The following VPS8 variants were observed in gnomAD, a reference collection of about 807,000 sequenced individuals.
VPS8 encodes the protein VPS8 subunit of CORVET complex.
In VPS8, 129 loss-of-function variants were observed where a neutral mutation model predicts 216.4. That is an observed-to-expected ratio of 0.60 (90% confidence interval 0.52 to 0.69). The LOEUF is 0.69. VPS8 is among the 30% of genes least tolerant of loss of function. The probability of loss-of-function intolerance (pLI) is 0.00; values close to 1 mark genes in which losing one functional copy is unlikely to be tolerated. For missense variants in VPS8, 1,531 were observed against 1,683.5 expected (o/e 0.91, Z 1.59); for synonymous variants, 571 against 565.4 (o/e 1.01, Z -0.14).
At chr3:184,909,190 G>A (rs34236250) in intron 25 of VPS8, among the ~76,000 whole-genome samples, 3,749 of 152,336 alleles carry the variant, frequency 0.025, 83 homozygotes, top group South Asian at 0.074. Flanking sequence ...CAAAACTACA[G>A]TAGAGCTGGA....
At position 184,936,293 on chromosome 3, in the gene VPS8, C is replaced by G; in HGVS notation, c.2946C>G (p.Thr982=). The G allele has an allele frequency of 1.2e-6, 2 of 1,611,814 alleles. No homozygotes were observed. Among genetic ancestry groups the G allele is most frequent in the Admixed American group, 1.7e-5 (1 of 59,764 alleles). ...KPCKAAELVA[T]HFSGHIETVI... ...GTAAAGCTGCGGAGCTGGTTGCCAC[C>G]CACTTTTCTGGACATATTGAAACGG... Residue 982 remains threonine (T), a synonymous_variant, in exon 35 of 48, where the codon ACC becomes ACG. Transcript: ENST00000625842.
chr3:184,954,439 C>T (rs1745233970), intron 36 of VPS8, among the ~76,000 whole-genome samples: 1 of 152,142 alleles, frequency 6.6e-6, no homozygotes, highest in Non-Finnish European at 1.5e-5. Context: ...CATGGTTGGC[C>T]CTCCTGACAA....
At chr3:184,814,802 T>C (rs551162411) in intron 1 of VPS8, among the ~76,000 whole-genome samples, 2 of 152,268 alleles carry the variant, frequency 1.3e-5, no homozygotes, top group South Asian at 2.1e-4. Context: ...TTATTAAAAA[T>C]TTTTTCTTTC....
intron 5 of VPS8, among the ~76,000 whole-genome samples, chr3:184,836,810 A>C (rs1378753241): frequency 6.6e-6 from 1 of 152,154 alleles, no homozygotes; most frequent in Non-Finnish European, 1.5e-5. Context: ...CAGTTTTGGG[A>C]TTCATGCATG....
At chr3:184,926,469 T>C in intron 30 of VPS8, 125 bp from the exon 31 acceptor site, 1 of 873,822 alleles carries the variant, frequency 1.1e-6, no homozygotes, top group Admixed American at 2.6e-5. Context: ...AGCCTACACC[T>C]GTGGTATTTG....
At chr3:184,835,887 T>G (rs1720983437) in intron 5 of VPS8, among the ~76,000 whole-genome samples, 1 of 151,778 alleles carries the variant, frequency 6.6e-6, no homozygotes, top group Non-Finnish European at 1.5e-5. Context: ...TTTTTTGTAG[T>G]TTTAGTAGAG....
chr3:184,936,193 A>G, intron 34 of VPS8, 53 bp from the exon 35 acceptor site: 1 of 1,470,378 alleles, frequency 6.8e-7, no homozygotes, highest in Non-Finnish European at 9.4e-7. Context: ...ATCTGTGGAT[A>G]TGCTGTTTAA....
chr3:184,918,208 G>A lies in VPS8; in HGVS notation c.2383-1919G>A, dbSNP rs140889816. The stretch of plus-strand genomic sequence containing the variant: ...GATGGAGGCCACATGTAGCCCCAAA[G>A]CCAGAAATATTTACTGTCTGGCTCT... On this transcript the variant is annotated intron_variant, in intron 28 of 47. Transcript: ENST00000625842. Among the ~76,000 whole-genome samples, 866 of 152,328 alleles carry A rather than the reference G, an allele frequency of 5.7e-3. 7 individuals carry two copies. Among genetic ancestry groups the A allele is most frequent in the African/African-American group, 0.019 (808 of 41,568 alleles).
In VPS8 at chr3:184,999,224, ATTT is replaced by A. The variant is rs1390671510; in HGVS notation, c.3837-468_3837-466del. 1.8e-4 allele frequency among the ~76,000 whole-genome samples: 28 copies of A among 152,008 alleles called. 1 individual carries two copies. The highest frequency in any genetic ancestry group is 6.8e-4 in the African/African-American group (28 of 41,480). On this transcript the variant is annotated intron_variant, in intron 44 of 47. Transcript: ENST00000625842. ...AGGTACCTGCCACCACGTCCAGCTA[ATTT>A]TTTGTATTTTTAGTAGAGACGGGGT...
chr3:184,888,344 T>C (rs1308253429), intron 22 of VPS8, among the ~76,000 whole-genome samples: 1 of 152,138 alleles, frequency 6.6e-6, no homozygotes, highest in Non-Finnish European at 1.5e-5. Context: ...CGGGAGAAAT[T>C]TCTTTCCGGT....
Position 184,870,806 on chromosome 3 carries a change from G to A in VPS8, c.1734+1G>A. The A allele has an allele frequency of 6.2e-7, 1 of 1,609,576 alleles. No homozygotes were observed. Among genetic ancestry groups the A allele is most frequent in the Non-Finnish European group, 8.5e-7 (1 of 1,177,716 alleles). On this transcript the variant is annotated splice_donor_variant, in intron 21 of 47. Transcript: ENST00000625842. LOFTEE classifies it high-confidence loss of function. ...CCAAGTGATGGAGCAGCATTTTCAG[G>A]TACACATTGCATGTGCTTCCAGTAG...
chr3:184,995,898 C>T (rs1337242280), intron 43 of VPS8, among the ~76,000 whole-genome samples: 3 of 152,156 alleles, frequency 2.0e-5, no homozygotes, highest in East Asian at 3.8e-4. Flanking sequence ...AACATTACCA[C>T]GAATGCAGTT....
chr3:184,926,791 C>G (rs1176521835), intron 31 of VPS8, 141 bp downstream of exon 31: 1 of 773,100 alleles, frequency 1.3e-6, no homozygotes. Flanking sequence ...TCAGTGGGAA[C>G]CAGAAAATAG....
At chr3:185,033,206 A>G (rs1395777275) in intron 46 of VPS8, among the ~76,000 whole-genome samples, 1 of 152,210 alleles carries the variant, frequency 6.6e-6, no homozygotes, top group African/African-American at 2.4e-5. Flanking sequence ...GTTCTGATAA[A>G]TGTATAATGA....
At chr3:184,923,742 A>G (rs1739073252) in intron 29 of VPS8, among the ~76,000 whole-genome samples, 1 of 152,120 alleles carries the variant, frequency 6.6e-6, no homozygotes, top group Non-Finnish European at 1.5e-5. Context: ...CCCTTAACAA[A>G]TGTGTTTTTC....
At chr3:184,886,260 A>G in intron 22 of VPS8, 104 bp downstream of exon 22, 4 of 1,092,770 alleles carry the variant, frequency 3.7e-6, no homozygotes, top group Non-Finnish European at 5.3e-6. Flanking sequence ...ATAGATTTAA[A>G]AATATTAATT....
chr3:184,915,851 T>C (rs1737469580), intron 28 of VPS8, among the ~76,000 whole-genome samples: 1 of 152,100 alleles, frequency 6.6e-6, no homozygotes, highest in Non-Finnish European at 1.5e-5. Context: ...AATAGAAAAA[T>C]CCCATAATTC....
intron 23 of VPS8, 115 bp from the exon 24 acceptor site, chr3:184,898,450 A>AGAAGAAACAAGAAAAATTAGG: frequency 1.2e-6 from 1 of 816,146 alleles, no homozygotes. Flanking sequence ...TTTTTATCAG[A>AGAAGAAACAAGAAAAATTAGG]GAAGAAACAA....
At chr3:184,943,338 C>CGCAGA (rs1743083633) in intron 36 of VPS8, among the ~76,000 whole-genome samples, 1 of 152,164 alleles carries the variant, frequency 6.6e-6, no homozygotes. Flanking sequence ...AAGAAGAAAG[C>CGCAGA]GCAGAGCACA....
Sources: allele counts gnomAD v4.1 joint callset (sites outside exome capture counted in the v4.1 genomes callset), GRCh38; gene constraint gnomAD v4.1.1; transcripts MANE v1.5; gene names NCBI Gene and HGNC (gene_info 2026-07-23, HGNC 2026-07-21).